ABCA2: variants seen among roughly 807,000 people sequenced by gnomAD.
ABCA2 encodes ATP-binding cassette sub-family A member 2.
ABCA2 carries 84 observed loss-of-function variants against 262.8 expected under a neutral mutation model. The observed-to-expected ratio is 0.32, with a 90% CI of 0.27 to 0.38. The LOEUF is 0.38. Among genes scored for constraint, ABCA2 ranks in the 10% least tolerant of loss-of-function variants. The pLI, the probability that ABCA2 is intolerant of heterozygous loss-of-function variation, is 1.00. For synonymous variants in ABCA2, 1,696 were observed against 1,502.9 expected (o/e 1.13, Z -2.97); for missense variants, 2,662 against 3,405.9 (o/e 0.78, Z 5.44).
rs1265224051 is a variant in ABCA2, at chr9:137,020,051, T to C, written c.1425+285A>G. The C allele has an allele frequency of 1.3e-5, 6 of 453,156 alleles. No homozygotes were observed. In the East Asian group the frequency reaches 2.2e-4, roughly 16 times the overall value. 28.1% of individuals were successfully genotyped at this position (453,156 alleles called of 1,614,324 possible). On this transcript the variant is annotated intron_variant, in intron 10 of 48. Coordinates refer to ENST00000341511, the MANE Select transcript of ABCA2 (RefSeq NM_001606.5). Reference sequence around the variant, plus strand: ...CCCACGAGACACTCTGGAAGGTCTCTGGACACACCCCTCCTCCACCAGCAC... The same window carrying C: ...CCCACGAGACACTCTGGAAGGTCTCCGGACACACCCCTCCTCCACCAGCAC...
chr9:137,015,924 TCCGCCCACCTGCCCCGCCCC>T lies in ABCA2; in HGVS notation c.3317+18_3317+37del. 6.3e-7 allele frequency: 1 copy of T among 1,585,686 alleles called. No individual in the cohort carries two copies. The highest frequency in any genetic ancestry group is 1.1e-5 in the South Asian group (1 of 88,532). On this transcript the variant is annotated intron_variant, in intron 22 of 48. Transcript: ENST00000341511. ...TGCTGCTATGCAGAGCCCCAGGGCC[TCCGCCCACCTGCCCCGCCCC>T]CCGCCCAGCCCACCCACTTGTCCAT...
Position 137,015,105 on chromosome 9 carries a change from G to A in ABCA2, c.3698-8C>T, listed in dbSNP as rs771333324. 10 of 1,568,560 alleles carry A rather than the reference G, an allele frequency of 6.4e-6. No individual in the cohort carries two copies. The highest frequency in any genetic ancestry group is 7.8e-6 in the Non-Finnish European group (9 of 1,160,162). On this transcript the variant is annotated splice_region_variant and splice_polypyrimidine_tract_variant and intron_variant, in intron 24 of 48. Transcript: ENST00000341511. ...TGGATGCCAGCCCTGGCTCTGTGGGGGACGTGGGAGCAGGAAGGAATTCAC... is the reference window on the plus strand; with the variant it reads ...TGGATGCCAGCCCTGGCTCTGTGGGAGACGTGGGAGCAGGAAGGAATTCAC...
At chr9:137,027,011 A>T (rs1831674897) in intron 1 of ABCA2, among the ~76,000 whole-genome samples, 1 of 152,248 alleles carries the variant, frequency 6.6e-6, no homozygotes, top group Admixed American at 6.5e-5. Context: ...AGCTGACTGC[A>T]GCCTGGGTTT....
Position 137,021,054 on chromosome 9 carries a change from A to G in ABCA2, c.905T>C (p.Leu302Pro). The change falls in exon 9 of 49, where the codon CTG becomes CCG. Residue 302 changes from leucine (L) to proline (P), a missense_variant. Leu to Pro is a moderately conservative substitution (Grantham distance 98). Transcript: ENST00000341511. The surrounding 1 kb of genome is among the most constrained non-coding windows in gnomAD (Gnocchi z 6.0). ...DVAKVSQQLG[L>P]DAPNGSDSSP... ...GGAGTCCGAGCCGTTGGGGGCATCC[A>G]GGCCCAGCTGAGGGGAAACAGGCAC... 2 of 1,477,772 alleles carry G rather than the reference A, an allele frequency of 1.4e-6. No individual in the cohort carries two copies. Among genetic ancestry groups the G allele is most frequent in the Non-Finnish European group, 1.8e-6 (2 of 1,112,120 alleles). 91.5% of individuals were successfully genotyped at this position (1,477,772 alleles called of 1,614,324 possible). A position where few individuals can be genotyped will look rare whatever the true frequency, so the allele number is the denominator to read the frequency against.
rs749612794 is a variant in ABCA2 at position 137,020,510 on chromosome 9, A to C, written c.1266-15T>G. 1 of 1,575,016 alleles carries C rather than the reference A, an allele frequency of 6.3e-7. No homozygotes were observed. Among genetic ancestry groups the C allele is most frequent in the Non-Finnish European group, 8.6e-7 (1 of 1,161,892 alleles). On this transcript the variant is annotated splice_polypyrimidine_tract_variant and intron_variant, in intron 9 of 48. Coordinates refer to ENST00000341511, the MANE Select transcript of ABCA2 (RefSeq NM_001606.5). ...GTTCAATGGTGCTGGGGTAGGGGAC[A>C]GGGGGCCGGGCCAGGCCGTTAGGGG...
chr9:137,024,486 G>A (rs1047194521), intron 1 of ABCA2, among the ~76,000 whole-genome samples: 12 of 152,218 alleles, frequency 7.9e-5, no homozygotes, highest in African/African-American at 2.7e-4. Flanking sequence ...CCTCTGAGGA[G>A]CCTCAGGGCC....
chr9:137,010,331 T>G lies in ABCA2; in HGVS notation c.6215A>C (p.Asp2072Ala). ...AGGACGCACACCCAGGCACAGGCGGTCAACGGCCAGGATACGGCCAATCTT... is the reference window on the plus strand; with the variant it reads ...AGGACGCACACCCAGGCACAGGCGGGCAACGGCCAGGATACGGCCAATCTT... The part of the protein sequence containing the change: ...SRKIGRILAV[D>A]RLCLGVRPGE... Residue 2072 changes from aspartate (D) to alanine (A), a missense_variant, in exon 41 of 49, where the codon GAC becomes GCC. Physicochemically the swap from Asp to Ala is moderately radical, Grantham distance 126 (BLOSUM62 -2). Coordinates refer to ENST00000341511, the MANE Select transcript of ABCA2 (RefSeq NM_001606.5). 1 of 1,585,602 alleles carries G rather than the reference T, an allele frequency of 6.3e-7. No homozygotes were observed.
rs752499286 is a variant in ABCA2 at position 137,008,453 on chromosome 9, G to A, written c.7238C>T (p.Thr2413Met). The stretch of plus-strand genomic sequence containing the variant: ...GAAGCTGATGAGGCCCTCGTCCTCC[G>A]TGTCCAGGTCCTCGGGCTCGTCTGC... Reference protein sequence around the residue: ...LVADEPEDLDTEDEGLISFEE... With the variant: ...LVADEPEDLDMEDEGLISFEE... Residue 2413 changes from threonine to methionine, a missense_variant, in exon 48 of 49, where the codon ACG becomes ATG. By Grantham distance (81) the Thr-to-Met change is moderately conservative. Around this residue, in one of 12 missense-constraint regions of ABCA2, gnomAD observed 212 missense variants for 214.4 expected, o/e 0.99. Coordinates refer to ENST00000341511, the MANE Select transcript of ABCA2 (RefSeq NM_001606.5). 1.9e-5 allele frequency: 29 copies of A among 1,557,942 alleles called. No homozygotes were observed. The highest frequency in any genetic ancestry group is 2.3e-5 in the Non-Finnish European group (27 of 1,151,558).
Position 137,021,310 on chromosome 9 carries a change from C to T in ABCA2, c.897+82G>A. The T allele has an allele frequency of 6.5e-7, 1 of 1,530,276 alleles. No individual in the cohort carries two copies. Among genetic ancestry groups the T allele is most frequent in the South Asian group, 1.2e-5 (1 of 83,876 alleles). The allele number at this position is 1,530,276 out of a possible 1,614,324, so 94.8% of individuals were successfully genotyped here. A position where few individuals can be genotyped will look rare whatever the true frequency, so the allele number is the denominator to read the frequency against. On this transcript the variant is annotated intron_variant, in intron 8 of 48. Transcript: ENST00000341511. The surrounding 1 kb of genome is among the most constrained non-coding windows in gnomAD (Gnocchi z 6.0). ...CACGCACAGCCTGGGCCCAGGAGCCCTGAGCTCTCCAAGCGGTCCCAGCCC... is the reference window on the plus strand; with the variant it reads ...CACGCACAGCCTGGGCCCAGGAGCCTTGAGCTCTCCAAGCGGTCCCAGCCC...
In ABCA2 at chr9:137,008,735, T is replaced by A; in HGVS notation, c.7064A>T (p.Asp2355Val). The change falls in exon 47 of 49, where the codon GAC becomes GTC. Residue 2355 changes from aspartate (D) to valine (V), a missense_variant. Transcript: ENST00000341511. The stretch of plus-strand genomic sequence containing the variant: ...CAGTGCCCTTGGGGCGCTCACATTG[T>A]CCAGTGTGGTCTGGCTGACCGAGTA... ...EDYSVSQTTLDNVFVNFAKKQ... is the reference protein window; with the variant it reads ...EDYSVSQTTLVNVFVNFAKKQ... The A allele has an allele frequency of 6.3e-7, 1 of 1,579,760 alleles. No individual in the cohort carries two copies. Among genetic ancestry groups the A allele is most frequent in the Non-Finnish European group, 8.6e-7 (1 of 1,163,958 alleles).
Position 137,014,905 on chromosome 9 carries a change from C to T in ABCA2, c.3882+8G>A, listed in dbSNP as rs1397101625. On this transcript the variant is annotated splice_region_variant and intron_variant, in intron 25 of 48. Coordinates refer to ENST00000341511, the MANE Select transcript of ABCA2 (RefSeq NM_001606.5). ...TGCAACTGCCCCCCGACCCGTGCGCCCTCACACCTGGAAGAGGCGCTCGAA... is the reference window on the plus strand; with the variant it reads ...TGCAACTGCCCCCCGACCCGTGCGCTCTCACACCTGGAAGAGGCGCTCGAA... 4 of 1,577,496 alleles carry T rather than the reference C, an allele frequency of 2.5e-6. No individual in the cohort carries two copies. In the Admixed American group the frequency reaches 7.0e-5, roughly 28 times the overall value.
At chr9:137,016,226 C>T (rs558611244) in intron 21 of ABCA2, 52 bp from the exon 22 acceptor site, 1 of 1,610,578 alleles carries the variant, frequency 6.2e-7, no homozygotes, top group African/African-American at 1.3e-5. Flanking sequence ...GGGCCCCACC[C>T]TGCCCTGACT....
In ABCA2 at chr9:137,017,065, C is replaced by T. The variant is rs1407095226; in HGVS notation, c.2613G>A (p.Val871=). 2 of 1,612,810 alleles carry T rather than the reference C, an allele frequency of 1.2e-6. No individual in the cohort carries two copies. The highest frequency in any genetic ancestry group is 1.1e-5 in the South Asian group (1 of 91,088). The change falls in exon 19 of 49, where the codon GTG becomes GTA. Residue 871 remains valine (V), a synonymous_variant. Transcript: ENST00000341511. ...TGTGCCACTGGATGCCCACGCCGGC[C>T]ACCTCATACAGCGCGAAGTACTTAG... ...LGSKYFALYE[V]AGVGIQWHTF... is the part of the protein sequence containing the mutation.
rs781618092 is a variant in ABCA2, at chr9:137,008,902, C to CG, written c.6931-35_6931-34insC. On this transcript the variant is annotated intron_variant, in intron 46 of 48. Transcript: ENST00000341511. ...GGGGAGGTCAGAGGCCTGGCAGCGC[C>CG]CCCCCACCCCGTAGCGCCCCCTCCA... is the stretch of plus-strand genomic sequence containing the variant. 6 of 1,596,926 alleles carry CG rather than the reference C, an allele frequency of 3.8e-6. No homozygotes were observed. The East Asian group carries it at 1.1e-4, about 30-fold the overall frequency.
chr9:137,026,493 G>A (rs1339494418), intron 1 of ABCA2, among the ~76,000 whole-genome samples: 4 of 152,298 alleles, frequency 2.6e-5, no homozygotes, highest in Non-Finnish European at 1.5e-5. Context: ...CAGCCTCCCT[G>A]GGGGAAACAG....
In ABCA2 at chr9:137,017,777, GC is replaced by G; in HGVS notation, c.2211+9del. The stretch of plus-strand genomic sequence containing the variant: ...GCCCGCGCCTCCAGGGAGAGTCCCG[GC>G]CCGCGCACCTCCTTGAGCCGGTGCT... On this transcript the variant is annotated intron_variant, in intron 16 of 48. Transcript: ENST00000341511. 6.2e-7 allele frequency: 1 copy of G among 1,612,156 alleles called. No individual in the cohort carries two copies. Among genetic ancestry groups the G allele is most frequent in the Non-Finnish European group, 8.5e-7 (1 of 1,179,642 alleles).
chr9:137,022,354 G>C lies in ABCA2; in HGVS notation c.564C>G (p.Pro188=), dbSNP rs746677344. 10 of 1,604,404 alleles carry C rather than the reference G, an allele frequency of 6.2e-6. No individual in the cohort carries two copies. The highest frequency in any genetic ancestry group is 3.4e-5 in the Admixed American group (2 of 58,688). Reference sequence around the variant, plus strand: ...CTGGGAGCTGTCCCTGCCTTACCTCGGGCGGGTCCACACGGGCGGCCAAGA... The same window carrying C: ...CTGGGAGCTGTCCCTGCCTTACCTCCGGCGGGTCCACACGGGCGGCCAAGA... ...QALLAARVDP[P]EVYHLLFGPS... The change falls in exon 6 of 49, where the codon CCC becomes CCG. Residue 188 remains proline (P), a synonymous_variant. Transcript: ENST00000341511.
rs746948447 is a variant in ABCA2, at chr9:137,021,366, C to CGGGCAGT, written c.897+19_897+25dup. On this transcript the variant is annotated intron_variant, in intron 8 of 48. Coordinates refer to ENST00000341511, the MANE Select transcript of ABCA2 (RefSeq NM_001606.5). This position sits in a 1 kb window ranked among gnomAD's most constrained non-coding sequence, Gnocchi z 6.0. ...TCAACTCAGGCAGCAAGCAGCGCAG[C>CGGGCAGT]GGGCAGTGGGCAGGCAGGGCCTCAC... 5 of 1,598,036 alleles carry CGGGCAGT rather than the reference C, an allele frequency of 3.1e-6. No homozygotes were observed. The South Asian group carries it at 5.5e-5, about 18-fold the overall frequency.
Position 137,015,411 on chromosome 9 carries a change from G to T in ABCA2, c.3697+3C>A, listed in dbSNP as rs1031453615. ...AGCCAGCTCAGGCAGCTTCAACACA[G>T]ACCTTGGGGGCCCCCCGGCTCGGCG... is the stretch of plus-strand genomic sequence containing the variant. On this transcript the variant is annotated splice_donor_region_variant and intron_variant, in intron 24 of 48. Coordinates refer to ENST00000341511, the MANE Select transcript of ABCA2 (RefSeq NM_001606.5). The T allele has an allele frequency of 6.4e-7, 1 of 1,557,924 alleles. No individual in the cohort carries two copies. Among genetic ancestry groups the T allele is most frequent in the Non-Finnish European group, 8.7e-7 (1 of 1,152,246 alleles).
Sources: gnomAD v4.1 joint callset for allele counts (sites outside exome capture counted in the v4.1 genomes callset) on GRCh38, gnomAD v4.1.1 for gene constraint, gnomAD v4.1.1 regional missense constraint, Gnocchi (gnomAD v3.1) non-coding constraint, MANE v1.5 for transcripts, NCBI Gene and HGNC (gene_info 2026-07-23, HGNC 2026-07-21) for gene names.